N4BP2L2: variants seen among roughly 807,000 people sequenced by gnomAD.
The protein encoded by N4BP2L2 is NEDD4-binding protein 2-like 2.
In N4BP2L2, 50 loss-of-function variants were observed where a neutral mutation model predicts 56.2. That is an observed-to-expected ratio of 0.89 (90% confidence interval 0.71 to 1.13). The LOEUF (loss-of-function observed/expected upper bound fraction) is 1.13. Among genes scored for constraint, N4BP2L2 ranks in the 50% most tolerant of loss-of-function variants. The probability of loss-of-function intolerance (pLI) is 0.00; values close to 1 mark genes in which losing one functional copy is unlikely to be tolerated. For missense variants in N4BP2L2, 689 were observed against 693.8 expected, an observed-to-expected ratio of 0.99 and a Z score of 0.08; for synonymous variants, 203 against 223.6, an observed-to-expected ratio of 0.91 and a Z score of 0.82.
chr13:32,459,129 C>T (rs564774474), intron 6 of N4BP2L2, among the ~76,000 whole-genome samples: 21 of 152,130 alleles, frequency 1.4e-4, no homozygotes, highest in African/African-American at 4.6e-4. Flanking sequence ...CTGTGGGATA[C>T]AGCAAAAACA....
intron 6 of N4BP2L2, among the ~76,000 whole-genome samples, chr13:32,484,941 A>G (rs763467952): frequency 6.7e-4 from 102 of 152,256 alleles, no homozygotes; most frequent in Non-Finnish European, 1.1e-3. Flanking sequence ...AATTAAAAGC[A>G]TAAGAACACA....
intron 6 of N4BP2L2, among the ~76,000 whole-genome samples, chr13:32,464,069 A>T (rs2138770342): frequency 6.6e-6 from 1 of 152,352 alleles, no homozygotes; most frequent in South Asian, 2.1e-4. Context: ...TAAATATAAA[A>T]GTCAATATAT....
intron 4 of N4BP2L2, 89 bp downstream of exon 4, chr13:32,522,093 A>C: frequency 1.2e-6 from 1 of 802,786 alleles, no homozygotes; most frequent in Non-Finnish European, 2.0e-6. Context: ...CAAATGTTTT[A>C]ATAATCAAGA....
At chr13:32,494,603 AAC>A (rs1437342013) in intron 6 of N4BP2L2, among the ~76,000 whole-genome samples, 3 of 151,932 alleles carry the variant, frequency 2.0e-5, no homozygotes, top group African/African-American at 7.2e-5. Flanking sequence ...CTCTACTAAA[AAC>A]ACACAAAAAA....
At chr13:32,433,080 C>T (rs2075017347) in intron 9 of N4BP2L2, 1 of 152,170 alleles carries the variant, frequency 6.6e-6, no homozygotes, top group African/African-American at 2.4e-5. Context: ...CCCTGGCATC[C>T]AGGACTTCAC....
At chr13:32,436,174 T>C (rs2075451309) in intron 9 of N4BP2L2, among the ~76,000 whole-genome samples, 1 of 152,228 alleles carries the variant, frequency 6.6e-6, no homozygotes, top group Non-Finnish European at 1.5e-5. Context: ...TCAAAAAAGA[T>C]CTACACTTAA....
In N4BP2L2 at chr13:32,444,051, CT is replaced by C. The variant is rs1446109729; in HGVS notation, c.440del (p.Lys147SerfsTer14). On this transcript the variant is annotated frameshift_variant, in exon 7 of 10. Transcript: ENST00000357505. LOFTEE classifies it high-confidence loss of function. ...CCATGATTCTATTCTGACTGTTCTG[CT>C]TTTTGTTTCTTTTTCTGTTCCTCTT... 1.3e-6 allele frequency: 2 copies of C among 1,594,152 alleles called. No individual in the cohort carries two copies. Among genetic ancestry groups the C allele is most frequent in the South Asian group, 1.2e-5 (1 of 86,770 alleles).
intron 6 of N4BP2L2, among the ~76,000 whole-genome samples, chr13:32,450,270 A>T (rs1029000528): frequency 6.6e-6 from 1 of 152,182 alleles, no homozygotes; most frequent in Non-Finnish European, 1.5e-5. Flanking sequence ...TAGGTAGAAA[A>T]ATTATAATGG....
At chr13:32,522,314 T>C in intron 3 of N4BP2L2, 44 bp from the exon 4 acceptor site, 1 of 1,254,446 alleles carries the variant, frequency 8.0e-7, no homozygotes. Context: ...CAAATTAGGT[T>C]AAAACACACA....
chr13:32,510,130 A>T (rs1281645790), downstream of N4BP2L2, among the ~76,000 whole-genome samples: 1 of 152,148 alleles, frequency 6.6e-6, no homozygotes, highest in Non-Finnish European at 1.5e-5. Flanking sequence ...TTCTTCAAAT[A>T]TTCGGAAAAT....
chr13:32,535,915 T>C (rs778471419), exon 2 of N4BP2L2: 2 of 1,614,028 alleles, frequency 1.2e-6, no homozygotes, highest in East Asian at 2.2e-5. Flanking sequence ...CTTTCCAGCA[T>C]CTTTCTCTGA....
chr13:32,455,859 A>T (rs1258022994), intron 6 of N4BP2L2, among the ~76,000 whole-genome samples: 1 of 152,106 alleles, frequency 6.6e-6, no homozygotes, highest in Non-Finnish European at 1.5e-5. Context: ...ACCCACTCAA[A>T]TGTCCCACCT....
intron 2 of N4BP2L2, among the ~76,000 whole-genome samples, chr13:32,531,947 C>T (rs1040153227): frequency 1.3e-5 from 2 of 152,150 alleles, no homozygotes; most frequent in African/African-American, 4.8e-5. Context: ...TGGGATGTTC[C>T]ATCATCTTCA....
exon 1 of N4BP2L2, chr13:32,538,758 A>G: frequency 1.0e-6 from 1 of 985,460 alleles, no homozygotes; most frequent in Non-Finnish European, 1.2e-6. Context: ...ACCTCTCAGA[A>G]TCGCGGTAAC....
intron 6 of N4BP2L2, chr13:32,446,287 G>T: frequency 9.6e-7 from 1 of 1,042,764 alleles, no homozygotes; most frequent in Admixed American, 2.3e-5. Flanking sequence ...GTTGTGATGG[G>T]GCCTCTATAA....
At chr13:32,446,550 A>G in intron 6 of N4BP2L2, 2 of 1,283,848 alleles carry the variant, frequency 1.6e-6, no homozygotes, top group Non-Finnish European at 2.0e-6. Flanking sequence ...TTAAATGGTA[A>G]AATACTAATG....
intron 1 of N4BP2L2, 77 bp from the exon 2 acceptor site, chr13:32,537,104 A>G (rs537681660): frequency 3.1e-4 from 321 of 1,027,314 alleles, no homozygotes; most frequent in Non-Finnish European, 4.1e-4. Context: ...AAAACAAGAA[A>G]TTAGACAAAG....
At chr13:32,519,724 T>C (rs1218070419) in intron 5 of N4BP2L2, among the ~76,000 whole-genome samples, 1 of 151,854 alleles carries the variant, frequency 6.6e-6, no homozygotes, top group Non-Finnish European at 1.5e-5. Context: ...TCTCAAAAAA[T>C]GTTTTTTAAT....
Position 32,535,066 on chromosome 13 carries a change from T to C in N4BP2L2, c.1259+703A>G, listed in dbSNP as rs148717183. Among the ~76,000 whole-genome samples, 13 of 152,348 alleles carry C rather than the reference T, an allele frequency of 8.5e-5. No homozygotes were observed. The East Asian group carries it at 2.3e-3, about 27-fold the overall frequency. ...AAAAAGGGTTCCTTCTGCCAATCAA[T>C]GGTATGAACATGGCACAGTGCTCAA... On this transcript the variant is annotated intron_variant, in intron 2 of 5. Transcript: ENST00000267068.
Sources: gnomAD v4.1 joint callset for allele counts (sites outside exome capture counted in the v4.1 genomes callset) on GRCh38, gnomAD v4.1.1 for gene constraint, MANE v1.5 for transcripts, NCBI Gene and HGNC (gene_info 2026-07-23, HGNC 2026-07-21) for gene names.